SLC39A8: variants seen among roughly 807,000 people sequenced by gnomAD.
SLC39A8 encodes the protein solute carrier family 39 member 8, also known as metal cation symporter ZIP8.
Under a neutral mutation model 40.4 loss-of-function variants are expected in SLC39A8, and 15 were observed. The ratio of observed to expected loss-of-function variants is 0.37; its 90% CI spans 0.25 to 0.57. The LOEUF is 0.57. Ranked by LOEUF, SLC39A8 falls within the 20% of genes least tolerant of loss-of-function variation. The pLI, the probability that SLC39A8 is intolerant of heterozygous loss-of-function variation, is 0.75. For missense variants in SLC39A8, 472 were observed against 558.8 expected, an observed-to-expected ratio of 0.84 and a Z score of 1.57; for synonymous variants, 223 against 221.6, an observed-to-expected ratio of 1.01 and a Z score of -0.06.
intron 6 of SLC39A8, among the ~76,000 whole-genome samples, chr4:102,283,248 A>G (rs1324463334): frequency 6.6e-6 from 1 of 152,224 alleles, no homozygotes; most frequent in Non-Finnish European, 1.5e-5. Flanking sequence ...ACACTGGAAG[A>G]AGGGACTTGC....
At chr4:102,284,020 T>A (rs887493806) in intron 6 of SLC39A8, among the ~76,000 whole-genome samples, 3 of 152,258 alleles carry the variant, frequency 2.0e-5, no homozygotes, top group Non-Finnish European at 4.4e-5. Flanking sequence ...GAGGAAGTCA[T>A]CCCTGACCAC....
At position 102,304,461 on chromosome 4, in the gene SLC39A8, T is replaced by A. The variant is rs1734057374; in HGVS notation, c.696A>T (p.Gly232=). 1 of 1,611,150 alleles carries A rather than the reference T, an allele frequency of 6.2e-7. No individual in the cohort carries two copies. Among genetic ancestry groups the A allele is most frequent in the African/African-American group, 1.3e-5 (1 of 74,852 alleles). The change falls in exon 6 of 9, where the codon GGA becomes GGT. Residue 232 remains glycine (G), a synonymous_variant. Coordinates refer to ENST00000356736, the MANE Select transcript of SLC39A8 (RefSeq NM_001135146.2). ...TYGQNGHTHF[G]NDNFGPQEKT... is the part of the protein sequence containing the mutation. ...TTTCTTGAGGACCAAAGTTATCATT[T>A]CCAAAGTGGGTATGACCATTCTATA...
chr4:102,264,479 G>A (rs1732008400), intron 8 of SLC39A8, among the ~76,000 whole-genome samples: 1 of 152,170 alleles, frequency 6.6e-6, no homozygotes, highest in Non-Finnish European at 1.5e-5. Context: ...GCACAGAGTG[G>A]ATTCAACATA....
downstream of SLC39A8, among the ~76,000 whole-genome samples, chr4:102,259,968 G>A (rs1315934769): frequency 6.6e-6 from 1 of 152,154 alleles, no homozygotes; most frequent in Admixed American, 6.5e-5. Flanking sequence ...AGATCATCCT[G>A]TGAAAAACAT....
At chr4:102,290,051 A>T (rs1214133604) in intron 6 of SLC39A8, among the ~76,000 whole-genome samples, 1 of 152,138 alleles carries the variant, frequency 6.6e-6, no homozygotes. Flanking sequence ...GAAGCAATCG[A>T]TGTTGCAAAC....
intron 2 of SLC39A8, among the ~76,000 whole-genome samples, chr4:102,323,707 G>A (rs1269185104): frequency 2.0e-5 from 3 of 152,196 alleles, no homozygotes; most frequent in Admixed American, 1.3e-4. Flanking sequence ...GTCTAGAAAG[G>A]TAAATTTCTA....
At chr4:102,305,785 A>T (rs1254022012) in intron 4 of SLC39A8, among the ~76,000 whole-genome samples, 1 of 152,042 alleles carries the variant, frequency 6.6e-6, no homozygotes, top group Non-Finnish European at 1.5e-5. Flanking sequence ...GTTTGAAGTT[A>T]TAAAGAGTCA....
At chr4:102,276,641 G>A (rs1414036357) in intron 6 of SLC39A8, among the ~76,000 whole-genome samples, 2 of 152,088 alleles carry the variant, frequency 1.3e-5, no homozygotes, top group African/African-American at 4.8e-5. Flanking sequence ...CATTTTATGA[G>A]GCCAGCATCA....
chr4:102,254,406 T>A (rs1421401169), intron 11 of SLC39A8, among the ~76,000 whole-genome samples: 1 of 152,192 alleles, frequency 6.6e-6, no homozygotes, highest in Non-Finnish European at 1.5e-5. Flanking sequence ...AGCTCAGAAT[T>A]TTTTTCCTTA....
intron 6 of SLC39A8, among the ~76,000 whole-genome samples, chr4:102,276,001 CTT>C (rs1260434814): frequency 6.6e-6 from 1 of 152,068 alleles, no homozygotes; most frequent in Non-Finnish European, 1.5e-5. Flanking sequence ...TAGAGGGAAA[CTT>C]ATAGCATTAA....
At chr4:102,259,464 C>T, downstream of SLC39A8, 1 of 1,546,330 alleles carries the variant, frequency 6.5e-7, no homozygotes, top group Non-Finnish European at 8.8e-7. Flanking sequence ...CCGTATATAT[C>T]CAAAGTAAAT....
intron 2 of SLC39A8, among the ~76,000 whole-genome samples, chr4:102,343,302 G>A (rs570153655): frequency 2.6e-5 from 4 of 152,116 alleles, no homozygotes; most frequent in African/African-American, 9.7e-5. Context: ...TACGTATAAT[G>A]TTATTAACAT....
intron 11 of SLC39A8, among the ~76,000 whole-genome samples, chr4:102,253,688 T>C (rs1025378939): frequency 1.3e-5 from 2 of 152,088 alleles, no homozygotes; most frequent in Non-Finnish European, 2.9e-5. Context: ...TTGAAAAAAA[T>C]TGAGACAATA....
intron 6 of SLC39A8, among the ~76,000 whole-genome samples, chr4:102,271,425 A>G (rs1170323960): frequency 1.3e-5 from 2 of 152,226 alleles, no homozygotes; most frequent in African/African-American, 2.4e-5. Context: ...TGTTTGCTTA[A>G]TGGACCCACA....
intron 6 of SLC39A8, among the ~76,000 whole-genome samples, chr4:102,301,789 T>A (rs1733938465): frequency 2.0e-5 from 3 of 152,054 alleles, no homozygotes; most frequent in Admixed American, 2.0e-4. Flanking sequence ...CCTTAAATCT[T>A]TAACTAAAAT....
At chr4:102,299,509 T>G (rs947221131) in intron 6 of SLC39A8, among the ~76,000 whole-genome samples, 1 of 151,982 alleles carries the variant, frequency 6.6e-6, no homozygotes, top group Non-Finnish European at 1.5e-5. Flanking sequence ...TGTTAAGTAC[T>G]GGAAAAATAC....
At chr4:102,270,012 A>C (rs1732275718) in intron 6 of SLC39A8, among the ~76,000 whole-genome samples, 1 of 152,224 alleles carries the variant, frequency 6.6e-6, no homozygotes, top group African/African-American at 2.4e-5. Context: ...CTGAAGGAGA[A>C]ACAAAGGTGG....
At chr4:102,298,364 AC>A (rs964796295) in intron 6 of SLC39A8, among the ~76,000 whole-genome samples, 31 of 152,166 alleles carry the variant, frequency 2.0e-4, no homozygotes, top group African/African-American at 7.5e-4. Flanking sequence ...AATTCCACTA[AC>A]AGCAAAGACA....
chr4:102,335,511 AAGT>A (rs1735627918), intron 2 of SLC39A8, among the ~76,000 whole-genome samples: 1 of 152,182 alleles, frequency 6.6e-6, no homozygotes, highest in Non-Finnish European at 1.5e-5. Flanking sequence ...ACAGATTTAG[AAGT>A]AGATCTCAAT....
Sources: gnomAD v4.1 joint callset for allele counts (sites outside exome capture counted in the v4.1 genomes callset) on GRCh38, gnomAD v4.1.1 for gene constraint, MANE v1.5 for transcripts, NCBI Gene and HGNC (gene_info 2026-07-23, HGNC 2026-07-21) for gene names.